Variants in CARMIL3 observed in about 807,000 individuals in gnomAD.
The protein encoded by CARMIL3 is capping protein, Arp2/3 and myosin-I linker protein 3.
A neutral mutation model predicts 180.8 loss-of-function variants in CARMIL3; 88 were observed. The ratio of observed to expected loss-of-function variants is 0.49; its 90% CI spans 0.41 to 0.58. The LOEUF (loss-of-function observed/expected upper bound fraction) is 0.58. CARMIL3 is among the 20% of genes least tolerant of loss of function. The pLI, the probability that CARMIL3 is intolerant of heterozygous loss-of-function variation, is 0.00. For synonymous variants in CARMIL3, 696 were observed against 714.5 expected, an observed-to-expected ratio of 0.97 and a Z score of 0.41; for missense variants, 1,548 against 1,787.0, an observed-to-expected ratio of 0.87 and a Z score of 2.41.
rs199580659 is a variant in CARMIL3, at chr14:24,069,192, G to A, written c.4038G>A (p.Arg1346=). ...CCCTGAAGCCCAAGAGGACACGGCG[G>A]GCACAGTCCTGTGACAAGCTGGAAC... ...TAPLKPKRTR[R]AQSCDKLEPD... The change falls in exon 39 of 40, where the codon CGG becomes CGA. Residue 1346 remains arginine, a synonymous_variant. Transcript: ENST00000342740. 1.9e-6 allele frequency: 3 copies of A among 1,614,052 alleles called. No homozygotes were observed. Among genetic ancestry groups the A allele is most frequent in the South Asian group, 1.1e-5 (1 of 91,086 alleles).
In CARMIL3 at chr14:24,062,799, A is replaced by G; in HGVS notation, c.2659A>G (p.Asn887Asp). ...QDLSSRGRGRNHDHEETTDDE... is the reference protein window; with the variant it reads ...QDLSSRGRGRDHDHEETTDDE... ...TCTGTCCTCCCGGGGCCGAGGCCGG[A>G]ACCATGACCATGAGGAGACCACAGA... Residue 887 changes from asparagine (N) to aspartate (D), a missense_variant, in exon 29 of 40, where the codon AAC (asparagine) becomes GAC (aspartate). By Grantham distance (23) the Asn-to-Asp change is conservative. This residue lies in a region of CARMIL3 where 668 missense variants were observed against 687.8 expected (regional missense o/e 0.97). Transcript: ENST00000342740. 6.2e-7 allele frequency: 1 copy of G among 1,613,810 alleles called. No individual in the cohort carries two copies. Among genetic ancestry groups the G allele is most frequent in the Non-Finnish European group, 8.5e-7 (1 of 1,179,854 alleles).
rs1439029597 is a variant in CARMIL3, at chr14:24,054,499, G to T, written c.350G>T (p.Cys117Phe). 3 of 1,612,184 alleles carry T rather than the reference G, an allele frequency of 1.9e-6. No homozygotes were observed. The highest frequency in any genetic ancestry group is 2.5e-6 in the Non-Finnish European group (3 of 1,179,918). ...RHVSSALSKV[C>F]PGPGCLIRRG... ...GTGAGCTCTGCCCTGTCCAAGGTCTGCCCTGGCCCTGGGTGAGTGGCAAAT... is the reference window on the plus strand; with the variant it reads ...GTGAGCTCTGCCCTGTCCAAGGTCTTCCCTGGCCCTGGGTGAGTGGCAAAT... Residue 117 changes from cysteine (C) to phenylalanine (F), a missense_variant, in exon 5 of 40, where the codon TGC becomes TTC. Physicochemically the swap from Cys to Phe is radical, Grantham distance 205 (BLOSUM62 -2). Transcript: ENST00000342740. The surrounding 1 kb of genome is among the most constrained non-coding windows in gnomAD (Gnocchi z 5.1).
Position 24,065,113 on chromosome 14 carries a change from T to TGCCAG in CARMIL3, c.3236_3237insGCCAG (p.Pro1081AlafsTer149). ...GGGTCCCCTACCACTGGACTCCTCCTCCCTCCACCCCCACCCCCTCCCCCG... is the reference window on the plus strand; with the variant it reads ...GGGTCCCCTACCACTGGACTCCTCCTGCCAGCCCTCCACCCCCACCCCCTCCCCCG... On this transcript the variant is annotated frameshift_variant, in exon 33 of 40. Coordinates refer to ENST00000342740, the MANE Select transcript of CARMIL3 (RefSeq NM_138360.4). LOFTEE classifies it high-confidence loss of function. The TGCCAG allele has an allele frequency of 7.0e-7, 1 of 1,435,688 alleles. No individual in the cohort carries two copies. Among genetic ancestry groups the TGCCAG allele is most frequent in the Non-Finnish European group, 9.3e-7 (1 of 1,070,212 alleles). 88.9% of individuals were successfully genotyped at this position (1,435,688 alleles called of 1,614,324 possible). A position where few individuals can be genotyped will look rare whatever the true frequency, so the allele number is the denominator to read the frequency against.
chr14:24,064,417 G>C (rs1462189513), intron 32 of CARMIL3, 71 bp downstream of exon 32: 2 of 1,123,480 alleles, frequency 1.8e-6, no homozygotes, highest in African/African-American at 1.5e-5. Flanking sequence ...TGTCCTCCCA[G>C]CTCCCATGGG....
intron 1 of CARMIL3, among the ~76,000 whole-genome samples, chr14:24,052,599 G>T (rs2035628534): frequency 6.6e-6 from 1 of 152,186 alleles, no homozygotes. Context: ...TGACCGCTGC[G>T]TGGCTTAACA....
In CARMIL3 at chr14:24,059,907, AGAG is replaced by A. The variant is rs1358206597; in HGVS notation, c.1869-58_1869-56del. ...GGGGGCTGGAGGGCTGCTCACCAAC[AGAG>A]GAGGCAGGGGCCTCCCATCCTCACC... is the stretch of plus-strand genomic sequence containing the variant. On this transcript the variant is annotated intron_variant, in intron 22 of 39. Coordinates refer to ENST00000342740, the MANE Select transcript of CARMIL3 (RefSeq NM_138360.4). The surrounding 1 kb of genome is among the most constrained non-coding windows in gnomAD (Gnocchi z 6.3). 66 of 1,584,378 alleles carry A rather than the reference AGAG, an allele frequency of 4.2e-5. No homozygotes were observed. The highest frequency in any genetic ancestry group is 5.5e-5 in the Non-Finnish European group (64 of 1,154,136).
chr14:24,060,221 T>G lies in CARMIL3; in HGVS notation c.2027T>G (p.Leu676Trp), dbSNP rs2035718881. 6.2e-7 allele frequency: 1 copy of G among 1,614,160 alleles called. No individual in the cohort carries two copies. The highest frequency in any genetic ancestry group is 2.2e-5 in the East Asian group (1 of 44,868). The stretch of plus-strand genomic sequence containing the variant: ...TGCCCCCAGGAGCAGGCCTTCAGGT[T>G]GCAGCAGGGCCTGGTGACCAGCAGC... ...QTCPQEQAFR[L>W]QQGLVTSSAE... Residue 676 changes from leucine to tryptophan, a missense_variant, in exon 24 of 40, where the codon TTG becomes TGG. By Grantham distance (61) the Leu-to-Trp change is moderately conservative. This residue lies in a region of CARMIL3 where 297 missense variants were observed against 415.9 expected (regional missense o/e 0.71). Coordinates refer to ENST00000342740, the MANE Select transcript of CARMIL3 (RefSeq NM_138360.4).
rs764524865 is a variant in CARMIL3, at chr14:24,066,367, T to G, written c.3526-31T>G. 3 of 1,610,664 alleles carry G rather than the reference T, an allele frequency of 1.9e-6. 1 individual carries two copies. In the South Asian group the frequency reaches 3.3e-5, roughly 18 times the overall value. Reference sequence around the variant, plus strand: ...GCTGCAGTCCTGCCACAGAGGAGACTTTCTTACAACCTGACCCACTGTTCT... The same window carrying G: ...GCTGCAGTCCTGCCACAGAGGAGACGTTCTTACAACCTGACCCACTGTTCT... On this transcript the variant is annotated intron_variant, in intron 34 of 39. Coordinates refer to ENST00000342740, the MANE Select transcript of CARMIL3 (RefSeq NM_138360.4).
chr14:24,059,813 C>A lies in CARMIL3; in HGVS notation c.1868+81C>A. The A allele has an allele frequency of 6.4e-7, 1 of 1,551,230 alleles. No individual in the cohort carries two copies. Among genetic ancestry groups the A allele is most frequent in the African/African-American group, 1.4e-5 (1 of 73,680 alleles). On this transcript the variant is annotated intron_variant, in intron 22 of 39. Coordinates refer to ENST00000342740, the MANE Select transcript of CARMIL3 (RefSeq NM_138360.4). The surrounding 1 kb of genome is among the most constrained non-coding windows in gnomAD (Gnocchi z 6.3). ...TCAGGCCTGAACTACTCTTGCCCCA[C>A]CCTAGCCCCTTTGACCTATTTGCAC...
intron 11 of CARMIL3, 53 bp downstream of exon 11, chr14:24,056,446 GC>G: frequency 6.4e-7 from 1 of 1,566,206 alleles, no homozygotes; most frequent in Non-Finnish European, 8.8e-7. Context: ...CCCTGTCCTA[GC>G]CCAGAGCCCA....
At chr14:24,057,478 T>C (rs2035683856) in intron 14 of CARMIL3, among the ~76,000 whole-genome samples, 1 of 152,198 alleles carries the variant, frequency 6.6e-6, no homozygotes, top group Admixed American at 6.5e-5. Flanking sequence ...TCCCCAGCTG[T>C]GCACCCTGGC....
At chr14:24,062,395 C>A in intron 27 of CARMIL3, 85 bp from the exon 28 acceptor site, 1 of 1,272,084 alleles carries the variant, frequency 7.9e-7, no homozygotes, top group Non-Finnish European at 1.2e-6. Flanking sequence ...GCCGTTCTCT[C>A]AGGCTTCTGG....
Position 24,058,646 on chromosome 14 carries a change from C to G in CARMIL3, c.1393-34C>G. ...TAAAGGTGCCCTACCCCCACCCCAA[C>G]CCCTGCCTTCCCTACCTCACCTTGT... On this transcript the variant is annotated intron_variant, in intron 17 of 39. Transcript: ENST00000342740. The surrounding 1 kb of genome is among the most constrained non-coding windows in gnomAD (Gnocchi z 6.4). 3 of 1,599,568 alleles carry G rather than the reference C, an allele frequency of 1.9e-6. No homozygotes were observed. The highest frequency in any genetic ancestry group is 2.6e-6 in the Non-Finnish European group (3 of 1,168,888).
In CARMIL3 at chr14:24,059,039, T is replaced by A. The variant is rs1039663052; in HGVS notation, c.1571+53T>A. The A allele has an allele frequency of 6.2e-6, 10 of 1,605,414 alleles. No homozygotes were observed. The Admixed American group carries it at 6.8e-5, about 11-fold the overall frequency. On this transcript the variant is annotated intron_variant, in intron 19 of 39. Coordinates refer to ENST00000342740, the MANE Select transcript of CARMIL3 (RefSeq NM_138360.4). The surrounding 1 kb of genome is among the most constrained non-coding windows in gnomAD (Gnocchi z 6.3). The stretch of plus-strand genomic sequence containing the variant: ...CCCTCATCCCATCATTCACCCATCC[T>A]CTTGGCTCACCGTATTACCTCTGGC...
Position 24,054,574 on chromosome 14 carries a change from C to G in CARMIL3, c.362+63C>G. 3 of 1,551,214 alleles carry G rather than the reference C, an allele frequency of 1.9e-6. No individual in the cohort carries two copies. The highest frequency in any genetic ancestry group is 2.7e-6 in the Non-Finnish European group (3 of 1,130,890). The stretch of plus-strand genomic sequence containing the variant: ...GAGAGGGAGAGTTCATCCCTTCCTC[C>G]TTCCCCTGGGCCAGGGCTGAGAAGG... On this transcript the variant is annotated intron_variant, in intron 5 of 39. Coordinates refer to ENST00000342740, the MANE Select transcript of CARMIL3 (RefSeq NM_138360.4). The surrounding 1 kb of genome is among the most constrained non-coding windows in gnomAD (Gnocchi z 5.1).
At chr14:24,069,302 A>AC (rs939088566) in intron 39 of CARMIL3, 55 bp downstream of exon 39, 2 of 1,611,950 alleles carry the variant, frequency 1.2e-6, no homozygotes, top group Non-Finnish European at 1.7e-6. Flanking sequence ...CCAACATGAC[A>AC]CCCCCCGAAG....
Position 24,057,041 on chromosome 14 carries a change from GC to G in CARMIL3, c.1062+19del, listed in dbSNP as rs1426105861. ...GAGGCCAATGTGAGTCCTCAGAACAGCCTCAGCCCCCTGCAGAAAGCATGCT... is the reference window on the plus strand; with the variant it reads ...GAGGCCAATGTGAGTCCTCAGAACAGCTCAGCCCCCTGCAGAAAGCATGCT... On this transcript the variant is annotated intron_variant, in intron 13 of 39. Coordinates refer to ENST00000342740, the MANE Select transcript of CARMIL3 (RefSeq NM_138360.4). 2.5e-6 allele frequency: 4 copies of G among 1,609,642 alleles called. No individual in the cohort carries two copies. The African/African-American group carries it at 5.3e-5, about 22-fold the overall frequency.
rs781099727 is a variant in CARMIL3 at position 24,055,082 on chromosome 14, C to T, written c.477C>T (p.Thr159=). The T allele has an allele frequency of 6.2e-7, 1 of 1,613,548 alleles. No individual in the cohort carries two copies. The highest frequency in any genetic ancestry group is 1.7e-5 in the Admixed American group (1 of 60,020). Residue 159 remains threonine (T), a synonymous_variant, in exon 7 of 40, where the codon ACC becomes ACT. Coordinates refer to ENST00000342740, the MANE Select transcript of CARMIL3 (RefSeq NM_138360.4). ...THSVCGGFSE[T]YAALCDYNGL... is the part of the protein sequence containing the mutation. ...GCCCCACAGGTGGCTTCTCTGAGAC[C>T]TACGCTGCTCTGTGTGACTACAATG...
chr14:24,066,303 A>C, intron 34 of CARMIL3, 95 bp from the exon 35 acceptor site: 5 of 1,415,316 alleles, frequency 3.5e-6, no homozygotes, highest in Non-Finnish European at 4.9e-6. Context: ...TAATGACATG[A>C]GAATGACATG....
Sources: gnomAD v4.1 joint callset for allele counts (sites outside exome capture counted in the v4.1 genomes callset) on GRCh38, gnomAD v4.1.1 for gene constraint, gnomAD v4.1.1 regional missense constraint, Gnocchi (gnomAD v3.1) non-coding constraint, MANE v1.5 for transcripts, NCBI Gene and HGNC (gene_info 2026-07-23, HGNC 2026-07-21) for gene names.